Variants in TRIM8 observed in about 807,000 individuals in gnomAD.
The protein encoded by TRIM8 is E3 ubiquitin-protein ligase TRIM8.
A neutral mutation model predicts 55.7 loss-of-function variants in TRIM8; 9 were observed. That is an observed-to-expected ratio of 0.16 (90% confidence interval 0.10 to 0.28). The LOEUF is 0.28. Among genes scored for constraint, TRIM8 ranks in the 10% least tolerant of loss-of-function variants. The probability of loss-of-function intolerance (pLI) is 1.00; values close to 1 mark genes in which losing one functional copy is unlikely to be tolerated. For missense variants in TRIM8, 556 were observed against 736.4 expected (o/e 0.76, Z 2.83); for synonymous variants, 335 against 333.3 (o/e 1.01, Z -0.06).
chr10:102,655,028 A>G, intron 2 of TRIM8, 52 bp from the exon 3 acceptor site: 1 of 1,579,578 alleles, frequency 6.3e-7, no homozygotes, highest in Non-Finnish European at 8.7e-7. Flanking sequence ...GGGGGAAACC[A>G]AAGGTTTCCA....
intron 1 of TRIM8, among the ~76,000 whole-genome samples, chr10:102,650,912 G>C (rs778654252): frequency 6.6e-6 from 1 of 152,164 alleles, no homozygotes; most frequent in African/African-American, 2.4e-5. Context: ...GGTGAACTGG[G>C]GTGGGGTCGT....
Position 102,644,833 on chromosome 10 carries a change from C to A in TRIM8, c.216C>A (p.Thr72=). ...GCCTGGAGAAGAACCTGAAGCTCAC[C>A]AACATCGTGGAGAAGTTCAATGCCC... ...KPGLEKNLKL[T]NIVEKFNALH... is the part of the protein sequence containing the mutation. The change falls in exon 1 of 6, where the codon ACC becomes ACA. Residue 72 remains threonine, a synonymous_variant. Transcript: ENST00000643721. 1 of 1,612,992 alleles carries A rather than the reference C, an allele frequency of 6.2e-7. No homozygotes were observed. The highest frequency in any genetic ancestry group is 8.5e-7 in the Non-Finnish European group (1 of 1,179,844).
chr10:102,655,660 T>G (rs1001611595), intron 3 of TRIM8, among the ~76,000 whole-genome samples: 1 of 152,254 alleles, frequency 6.6e-6, no homozygotes, highest in African/African-American at 2.4e-5. Context: ...GTCTTTATCT[T>G]GCTTAGTATG....
At chr10:102,651,055 T>C (rs1337893143) in intron 1 of TRIM8, among the ~76,000 whole-genome samples, 3 of 152,136 alleles carry the variant, frequency 2.0e-5, no homozygotes, top group Admixed American at 1.3e-4. Flanking sequence ...GCCAGACCAG[T>C]GCAGCCCCCC....
intron 1 of TRIM8, among the ~76,000 whole-genome samples, chr10:102,651,010 T>C (rs1003100061): frequency 9.9e-5 from 15 of 152,162 alleles, no homozygotes; most frequent in African/African-American, 3.1e-4. Flanking sequence ...TCCCAGGCGC[T>C]GTCTGTAGCA....
Position 102,656,730 on chromosome 10 carries a change from GC to G in TRIM8, c.1049-13del. ...TGGGGTGGGAGCTTTGGCGACTTTT[GC>G]CCCAACTCTCCACAGGCCCCTTCAG... is the stretch of plus-strand genomic sequence containing the variant. On this transcript the variant is annotated splice_polypyrimidine_tract_variant and intron_variant, in intron 5 of 5. Coordinates refer to ENST00000643721, the MANE Select transcript of TRIM8 (RefSeq NM_030912.3). The surrounding 1 kb of genome is among the most constrained non-coding windows in gnomAD (Gnocchi z 4.6). 6.6e-7 allele frequency: 1 copy of G among 1,507,464 alleles called. No homozygotes were observed. The highest frequency in any genetic ancestry group is 8.8e-7 in the Non-Finnish European group (1 of 1,129,974). The allele number at this position is 1,507,464 out of a possible 1,614,324, so 93.4% of individuals were successfully genotyped here.
Position 102,656,136 on chromosome 10 carries a change from A to G in TRIM8, c.931A>G (p.Arg311Gly). ...CAAGTCTGTGAAAATCCTGATGGAC[A>G]GGTAAGCTGAGGGCCCTAGCCCTCC... ...NTKSVKILMD[R>G]TQTCTSSSLS... The change falls in exon 4 of 6, where the codon AGG becomes GGG. Residue 311 changes from arginine (R) to glycine (G), a missense_variant and splice_region_variant. Coordinates refer to ENST00000643721, the MANE Select transcript of TRIM8 (RefSeq NM_030912.3). This position sits in a 1 kb window ranked among gnomAD's most constrained non-coding sequence, Gnocchi z 4.6. 1 of 1,614,142 alleles carries G rather than the reference A, an allele frequency of 6.2e-7. No homozygotes were observed. The highest frequency in any genetic ancestry group is 8.5e-7 in the Non-Finnish European group (1 of 1,180,020).
Position 102,645,091 on chromosome 10 carries a change from C to T in TRIM8, c.474C>T (p.Ala158=). 1 of 1,594,904 alleles carries T rather than the reference C, an allele frequency of 6.3e-7. No individual in the cohort carries two copies. Residue 158 remains alanine, a synonymous_variant, in exon 1 of 6, where the codon GCC becomes GCT. Transcript: ENST00000643721. ...HNAYRLYHCE[A]EQVAVCQYCC... ...CCTACCGCCTCTACCACTGCGAGGCCGAGCAGGTGGCCGTGTGCCAGTACT... is the reference window on the plus strand; with the variant it reads ...CCTACCGCCTCTACCACTGCGAGGCTGAGCAGGTGGCCGTGTGCCAGTACT...
At chr10:102,645,853 C>T (rs2063930833) in intron 1 of TRIM8, 1 of 152,272 alleles carries the variant, frequency 6.6e-6, no homozygotes, top group African/African-American at 2.4e-5. Flanking sequence ...GCCTGTGTGT[C>T]GCACGGGCCG....
chr10:102,656,768 C>T lies in TRIM8; in HGVS notation c.1070C>T (p.Pro357Leu). Residue 357 changes from proline (P) to leucine (L), a missense_variant, in exon 6 of 6, where the codon CCC becomes CTC. Coordinates refer to ENST00000643721, the MANE Select transcript of TRIM8 (RefSeq NM_030912.3). This position sits in a 1 kb window ranked among gnomAD's most constrained non-coding sequence, Gnocchi z 4.6. The part of the protein sequence containing the change: ...MLEGPFSTPV[P>L]FLQSVPLYPC... ...ACAGGCCCCTTCAGCACGCCGGTGC[C>T]CTTCCTGCAGAGTGTCCCCCTGTAC... is the stretch of plus-strand genomic sequence containing the variant. 2 of 1,512,346 alleles carry T rather than the reference C, an allele frequency of 1.3e-6. No homozygotes were observed. Among genetic ancestry groups the T allele is most frequent in the Non-Finnish European group, 1.8e-6 (2 of 1,131,258 alleles). The allele number at this position is 1,512,346 out of a possible 1,614,324, so 93.7% of individuals were successfully genotyped here.
At position 102,658,087 on chromosome 10, in the gene TRIM8, GAAATA is replaced by G. The variant is rs2064043583; in HGVS notation, c.*740_*744del. The G allele has an allele frequency of 1.3e-5, 2 of 151,956 alleles. No individual in the cohort carries two copies. The highest frequency in any genetic ancestry group is 1.5e-5 in the Non-Finnish European group (1 of 68,000). The allele number at this position is 151,956 out of a possible 1,614,324, so 9.4% of individuals were successfully genotyped here. ...ATAATAATATTAATAATAATAAAGA[GAAATA>G]AAATAATAAAATAAAAAACAATAGC... On this transcript the variant is annotated 3_prime_UTR_variant, in exon 6 of 6. Coordinates refer to ENST00000643721, the MANE Select transcript of TRIM8 (RefSeq NM_030912.3).
chr10:102,652,817 T>C (rs1353275798), intron 1 of TRIM8, among the ~76,000 whole-genome samples: 1 of 152,060 alleles, frequency 6.6e-6, no homozygotes, highest in Non-Finnish European at 1.5e-5. Flanking sequence ...TTTTTTTTTT[T>C]TTTGAGACAG....
At position 102,647,744 on chromosome 10, in the gene TRIM8, C is replaced by A. The variant is rs148276934; in HGVS notation, c.570+2557C>A. On this transcript the variant is annotated intron_variant, in intron 1 of 5. Coordinates refer to ENST00000643721, the MANE Select transcript of TRIM8 (RefSeq NM_030912.3). Reference sequence around the variant, plus strand: ...CAGAAGCACAGAGACCTGGCACCTGCCTTAAAATCTAGGCTCTGCTTCTTG... The same window carrying A: ...CAGAAGCACAGAGACCTGGCACCTGACTTAAAATCTAGGCTCTGCTTCTTG... Among the ~76,000 whole-genome samples, 210 of 152,176 alleles carry A rather than the reference C, an allele frequency of 1.4e-3. 1 individual carries two copies. Among genetic ancestry groups the A allele is most frequent in the African/African-American group, 4.8e-3 (199 of 41,508 alleles).
Position 102,655,325 on chromosome 10 carries a change from T to C in TRIM8, c.900+12T>C, listed in dbSNP as rs1322207196. On this transcript the variant is annotated intron_variant, in intron 3 of 5. Transcript: ENST00000643721. ...TCAGCTTCATGAAGGTGGGCTGGGC[T>C]CAGGACCAGGCTGGTGGCACCCAGA... 2.5e-6 allele frequency: 4 copies of C among 1,587,986 alleles called. No individual in the cohort carries two copies. Among genetic ancestry groups the C allele is most frequent in the East Asian group, 2.2e-5 (1 of 44,672 alleles).
rs1160633115 is a variant in TRIM8, at chr10:102,656,599, C to A, written c.1049-148C>A. 8 of 1,355,584 alleles carry A rather than the reference C, an allele frequency of 5.9e-6. No individual in the cohort carries two copies. The highest frequency in any genetic ancestry group is 8.0e-6 in the Non-Finnish European group (8 of 1,002,672). The allele number at this position is 1,355,584 out of a possible 1,614,324, so 84.0% of individuals were successfully genotyped here. A position where few individuals can be genotyped will look rare whatever the true frequency, so the allele number is the denominator to read the frequency against. ...AAAGTGGGGATATAACTATTCTGTACCTCCTAATGGTAGAGGAGCAAGCAT... is the reference window on the plus strand; with the variant it reads ...AAAGTGGGGATATAACTATTCTGTAACTCCTAATGGTAGAGGAGCAAGCAT... On this transcript the variant is annotated intron_variant, in intron 5 of 5. Coordinates refer to ENST00000643721, the MANE Select transcript of TRIM8 (RefSeq NM_030912.3). This position sits in a 1 kb window ranked among gnomAD's most constrained non-coding sequence, Gnocchi z 4.6.
At chr10:102,654,970 G>C in intron 2 of TRIM8, 110 bp from the exon 3 acceptor site, 2 of 1,305,526 alleles carry the variant, frequency 1.5e-6, no homozygotes, top group Non-Finnish European at 2.1e-6. Context: ...TTGGGAGCCT[G>C]GGGCAGCCTG....
intron 1 of TRIM8, among the ~76,000 whole-genome samples, chr10:102,652,018 G>T (rs1314756749): frequency 6.6e-6 from 1 of 152,220 alleles, no homozygotes; most frequent in Non-Finnish European, 1.5e-5. Context: ...TGTGTGTGCT[G>T]TCGGGCTCTG....
chr10:102,653,391 A>G (rs2063999939), intron 1 of TRIM8: 1 of 152,546 alleles, frequency 6.6e-6, no homozygotes, highest in African/African-American at 2.4e-5. Flanking sequence ...TGGGGACAGG[A>G]TACCAGCCCA....
chr10:102,644,776 A>G lies in TRIM8; in HGVS notation c.159A>G (p.Pro53=). ...WAKDSGLVRC[P]ECNQAYNQKP... Reference sequence around the variant, plus strand: ...AGGACAGCGGCCTCGTACGCTGCCCAGAGTGCAACCAGGCCTACAACCAGA... The same window carrying G: ...AGGACAGCGGCCTCGTACGCTGCCCGGAGTGCAACCAGGCCTACAACCAGA... Residue 53 remains proline, a synonymous_variant, in exon 1 of 6, where the codon CCA becomes CCG. Coordinates refer to ENST00000643721, the MANE Select transcript of TRIM8 (RefSeq NM_030912.3). The G allele has an allele frequency of 6.2e-7, 1 of 1,613,346 alleles. No homozygotes were observed.
Sources: gnomAD v4.1 joint callset for allele counts (sites outside exome capture counted in the v4.1 genomes callset) on GRCh38, gnomAD v4.1.1 for gene constraint, Gnocchi (gnomAD v3.1) non-coding constraint, MANE v1.5 for transcripts, NCBI Gene and HGNC (gene_info 2026-07-23, HGNC 2026-07-21) for gene names.